Variants in ARHGAP15 observed in about 807,000 individuals in gnomAD.
The protein encoded by ARHGAP15 is Rho GTPase activating protein 15.
ARHGAP15 carries 51 observed loss-of-function variants against 63.7 expected under a neutral mutation model. The observed-to-expected ratio is 0.80, with a 90% CI of 0.64 to 1.01. The LOEUF (loss-of-function observed/expected upper bound fraction) is 1.01. Ranked by LOEUF, ARHGAP15 falls within the 50% of genes least tolerant of loss-of-function variation. The pLI is 0.00. For synonymous variants in ARHGAP15, 191 were observed against 193.8 expected, an observed-to-expected ratio of 0.99 and a Z score of 0.12; for missense variants, 560 against 564.6, an observed-to-expected ratio of 0.99 and a Z score of 0.08.
rs1689140182 is a variant in ARHGAP15 at position 143,136,339 on chromosome 2, G to A, written c.-15+6873G>A. 2.7e-5 allele frequency among the ~76,000 whole-genome samples: 4 copies of A among 145,518 alleles called. No homozygotes were observed. The Admixed American group carries it at 2.8e-4, about 10-fold the overall frequency. On this transcript the variant is annotated intron_variant, in intron 1 of 13. Transcript: ENST00000295095. Reference sequence around the variant, plus strand: ...ACTTCTTTTATTTTTTATTTTTTTGGTTGTCAATACAATGACTTTTCTAAA... The same window carrying A: ...ACTTCTTTTATTTTTTATTTTTTTGATTGTCAATACAATGACTTTTCTAAA...
At chr2:143,540,173 G>C (rs1694979493) in intron 10 of ARHGAP15, among the ~76,000 whole-genome samples, 1 of 152,084 alleles carries the variant, frequency 6.6e-6, no homozygotes, top group Non-Finnish European at 1.5e-5. Flanking sequence ...TTGGTTTAAA[G>C]TCTGTTTTGT....
At chr2:143,228,788 G>T in intron 5 of ARHGAP15, 120 bp downstream of exon 5, 2 of 633,506 alleles carry the variant, frequency 3.2e-6, no homozygotes, top group Non-Finnish European at 5.0e-6. Context: ...AAAACAGATG[G>T]AGAAAATGAC....
intron 13 of ARHGAP15, among the ~76,000 whole-genome samples, chr2:143,740,838 A>C (rs1012329064): frequency 6.6e-6 from 1 of 152,186 alleles, no homozygotes; most frequent in African/African-American, 2.4e-5. Flanking sequence ...GTGTTTCAGC[A>C]TGGATTTACA....
At chr2:143,240,113 C>T (rs1034877654) in intron 5 of ARHGAP15, among the ~76,000 whole-genome samples, 1 of 150,246 alleles carries the variant, frequency 6.7e-6, no homozygotes, top group Non-Finnish European at 1.5e-5. Flanking sequence ...GTGTTTGAGG[C>T]CGCAGTGAGC....
chr2:143,539,271 T>G (rs1259043629), intron 10 of ARHGAP15, among the ~76,000 whole-genome samples: 6 of 152,184 alleles, frequency 3.9e-5, no homozygotes, highest in African/African-American at 1.4e-4. Context: ...CTTCTCTCTT[T>G]TCTTCTTTAT....
At chr2:143,463,514 T>G (rs1439136195) in intron 8 of ARHGAP15, among the ~76,000 whole-genome samples, 2 of 122,220 alleles carry the variant, frequency 1.6e-5, no homozygotes, top group Admixed American at 1.2e-4. Context: ...CATTCCAACC[T>G]CGTAATCAAG....
chr2:143,623,347 T>C (rs142814422), intron 11 of ARHGAP15, among the ~76,000 whole-genome samples: 75 of 152,340 alleles, frequency 4.9e-4, no homozygotes, highest in African/African-American at 1.7e-3. Context: ...TTCTTTAGTA[T>C]TTCAACATCT....
Position 143,288,093 on chromosome 2 carries a change from G to A in ARHGAP15, c.474+37493G>A, listed in dbSNP as rs1164721682. On this transcript the variant is annotated intron_variant, in intron 6 of 13. Transcript: ENST00000295095. ...GCTCTTTGCATTTGATGAGAAGCAC[G>A]AAGAAGCAGGACCAGTGCAAGCCCA... is the stretch of plus-strand genomic sequence containing the variant. Among the ~76,000 whole-genome samples the A allele has an allele frequency of 4.6e-5, 7 of 152,310 alleles. No homozygotes were observed. The South Asian group carries it at 1.0e-3, about 23-fold the overall frequency.
intron 13 of ARHGAP15, among the ~76,000 whole-genome samples, chr2:143,721,986 A>C (rs1315033179): frequency 6.6e-6 from 1 of 152,214 alleles, no homozygotes; most frequent in African/African-American, 2.4e-5. Context: ...AACTTATGTT[A>C]TGCAAACATG....
At chr2:143,720,962 G>C (rs1007780664) in intron 13 of ARHGAP15, among the ~76,000 whole-genome samples, 2 of 150,658 alleles carry the variant, frequency 1.3e-5, no homozygotes, top group Non-Finnish European at 3.0e-5. Context: ...CCAGCTACTC[G>C]GGAGGCTGAG....
At chr2:143,336,123 C>T (rs1386077260) in intron 6 of ARHGAP15, among the ~76,000 whole-genome samples, 1 of 152,146 alleles carries the variant, frequency 6.6e-6, no homozygotes, top group East Asian at 1.9e-4. Flanking sequence ...GCCTCAGTAT[C>T]CCAAGTAGCT....
At chr2:143,430,177 CTTTTT>C (rs35690060) in intron 6 of ARHGAP15, among the ~76,000 whole-genome samples, 1 of 144,068 alleles carries the variant, frequency 6.9e-6, no homozygotes, top group African/African-American at 2.6e-5. Context: ...GCCAAAGTAA[CTTTTT>C]TTTTTTTTTT....
rs148996253 is a variant in ARHGAP15 at position 143,348,984 on chromosome 2, G to A, written c.475-86617G>A. Among the ~76,000 whole-genome samples, 88 of 152,218 alleles carry A rather than the reference G, an allele frequency of 5.8e-4. 1 individual carries two copies. In the East Asian group the frequency reaches 0.016, roughly 28 times the overall value. Reference sequence around the variant, plus strand: ...AGTAGATTTTTAAAAATCTGTAACTGTTCGATAAGAGAAATGTGGGTACTG... The same window carrying A: ...AGTAGATTTTTAAAAATCTGTAACTATTCGATAAGAGAAATGTGGGTACTG... On this transcript the variant is annotated intron_variant, in intron 6 of 13. Transcript: ENST00000295095.
intron 6 of ARHGAP15, among the ~76,000 whole-genome samples, chr2:143,331,684 T>TTAG (rs1338774013): frequency 1.3e-5 from 2 of 152,176 alleles, no homozygotes. Flanking sequence ...CAAAGTGCTC[T>TTAG]TAAGAGGTAC....
intron 10 of ARHGAP15, among the ~76,000 whole-genome samples, chr2:143,551,110 A>G (rs1287513681): frequency 1.3e-5 from 2 of 152,230 alleles, no homozygotes; most frequent in Admixed American, 1.3e-4. Flanking sequence ...ATAAATTAAT[A>G]AACAGAAATA....
rs367869626 is a variant in ARHGAP15 at position 143,694,287 on chromosome 2, TATA to T, written c.1139-9129_1139-9127del. 2.3e-4 allele frequency among the ~76,000 whole-genome samples: 35 copies of T among 152,330 alleles called. No homozygotes were observed. The East Asian group carries it at 6.2e-3, about 27-fold the overall frequency. ...AATGGTGAAATGTGACTATGTGATT[TATA>T]ATGAGAAAAGGTATCTACAACATAC... On this transcript the variant is annotated intron_variant, in intron 12 of 13. Coordinates refer to ENST00000295095, the MANE Select transcript of ARHGAP15 (RefSeq NM_018460.4).
chr2:143,585,712 G>C lies in ARHGAP15; in HGVS notation c.1003+29227G>C, dbSNP rs751416683. The stretch of plus-strand genomic sequence containing the variant: ...TATTTTAGACCAAATCTTTCTCATT[G>C]ATGAGGAAATTAGTACAATTATTCT... On this transcript the variant is annotated intron_variant, in intron 11 of 13. Transcript: ENST00000295095. Among the ~76,000 whole-genome samples, 6 of 152,220 alleles carry C rather than the reference G, an allele frequency of 3.9e-5. No individual in the cohort carries two copies. In the South Asian group the frequency reaches 1.0e-3, roughly 26 times the overall value.
chr2:143,131,187 A>C (rs1308286675), intron 1 of ARHGAP15, among the ~76,000 whole-genome samples: 1 of 152,196 alleles, frequency 6.6e-6, no homozygotes, highest in Non-Finnish European at 1.5e-5. Context: ...CTTGATATGA[A>C]TTTAGAAAGA....
In ARHGAP15 at chr2:143,561,019, C is replaced by T. The variant is rs1237370935; in HGVS notation, c.1003+4534C>T. 5.3e-5 allele frequency among the ~76,000 whole-genome samples: 8 copies of T among 152,160 alleles called. No homozygotes were observed. The South Asian group carries it at 8.3e-4, about 16-fold the overall frequency. On this transcript the variant is annotated intron_variant, in intron 11 of 13. Coordinates refer to ENST00000295095, the MANE Select transcript of ARHGAP15 (RefSeq NM_018460.4). Reference sequence around the variant, plus strand: ...AACCTGTCATCAGCCTGCGACATTGCGTTGATTCTTCAGAATGATCTGTGA... The same window carrying T: ...AACCTGTCATCAGCCTGCGACATTGTGTTGATTCTTCAGAATGATCTGTGA...
Sources: gnomAD v4.1 joint callset for allele counts (sites outside exome capture counted in the v4.1 genomes callset) on GRCh38, gnomAD v4.1.1 for gene constraint, MANE v1.5 for transcripts, NCBI Gene and HGNC (gene_info 2026-07-23, HGNC 2026-07-21) for gene names.